RABGAP1: variants seen among roughly 807,000 people sequenced by gnomAD.
The protein encoded by RABGAP1 is RAB GTPase activating protein 1.
Under a neutral mutation model 137.6 loss-of-function variants are expected in RABGAP1, and 23 were observed. That is an observed-to-expected ratio of 0.17 (90% confidence interval 0.12 to 0.24). The LOEUF is 0.24. Ranked by LOEUF, RABGAP1 falls within the 10% of genes least tolerant of loss-of-function variation. The pLI, the probability that RABGAP1 is intolerant of heterozygous loss-of-function variation, is 1.00. For synonymous variants in RABGAP1, 451 were observed against 450.7 expected (o/e 1.00, Z -0.01); for missense variants, 906 against 1,275.8 (o/e 0.71, Z 4.42).
intron 13 of RABGAP1, chr9:123,034,862 C>G: frequency 6.2e-7 from 1 of 1,614,060 alleles, no homozygotes; most frequent in Non-Finnish European, 8.5e-7. Context: ...GTAGAGGAGT[C>G]CTTGACTTGC....
intron 13 of RABGAP1, among the ~76,000 whole-genome samples, chr9:123,039,248 C>G (rs2032828658): frequency 1.3e-5 from 2 of 152,150 alleles, no homozygotes; most frequent in Admixed American, 1.3e-4. Flanking sequence ...GCTCATCCTC[C>G]TAAAATGACA....
At chr9:123,028,331 T>G (rs2032102143) in intron 13 of RABGAP1, among the ~76,000 whole-genome samples, 1 of 152,218 alleles carries the variant, frequency 6.6e-6, no homozygotes, top group South Asian at 2.1e-4. Context: ...AATAAACTTG[T>G]TCACTGGTTT....
At chr9:123,065,744 T>C in intron 14 of RABGAP1, 1 of 388,132 alleles carries the variant, frequency 2.6e-6, no homozygotes, top group South Asian at 2.2e-5. Context: ...GTTTTTATGT[T>C]AAGAACCTCT....
In RABGAP1 at chr9:122,984,737, G is replaced by T; in HGVS notation, c.385+18G>T. 1 of 1,604,206 alleles carries T rather than the reference G, an allele frequency of 6.2e-7. No individual in the cohort carries two copies. Among genetic ancestry groups the T allele is most frequent in the Non-Finnish European group, 8.5e-7 (1 of 1,171,620 alleles). On this transcript the variant is annotated intron_variant, in intron 3 of 25. Transcript: ENST00000373647. ...ACAAGGAGGTTAGGATTGCTGCATT[G>T]CTTGCGTAACTGAAGGTTATTGTTT...
chr9:122,944,101 GTATC>G lies in RABGAP1; in HGVS notation c.-50+3010_-50+3013del, dbSNP rs1375891176. On this transcript the variant is annotated intron_variant, in intron 1 of 25. Transcript: ENST00000373647. ...TAGTTTAAATTGGTGCTACAGGTGA[GTATC>G]TTTGTAAAAACACTGGTTTGCTAAG... Among the ~76,000 whole-genome samples the G allele has an allele frequency of 2.0e-5, 3 of 152,200 alleles. No homozygotes were observed. In the East Asian group the frequency reaches 5.8e-4, roughly 29 times the overall value.
At chr9:123,012,283 T>C (rs2030874590) in intron 11 of RABGAP1, among the ~76,000 whole-genome samples, 1 of 152,244 alleles carries the variant, frequency 6.6e-6, no homozygotes, top group South Asian at 2.1e-4. Context: ...GATTGAGGTT[T>C]GCAGTTTCTC....
chr9:123,039,529 A>G (rs2032849151), intron 13 of RABGAP1, among the ~76,000 whole-genome samples: 1 of 152,182 alleles, frequency 6.6e-6, no homozygotes. Context: ...AGAGCCTCAT[A>G]AGCAACCTTC....
chr9:122,988,600 T>C (rs999852599), intron 4 of RABGAP1, among the ~76,000 whole-genome samples: 12 of 152,088 alleles, frequency 7.9e-5, no homozygotes, highest in Non-Finnish European at 1.3e-4. Context: ...GCATCAGTTT[T>C]TTGTTTTTTA....
At chr9:122,970,074 A>ATTTTTTTTTTTT (rs34261698) in intron 2 of RABGAP1, among the ~76,000 whole-genome samples, 5 of 143,482 alleles carry the variant, frequency 3.5e-5, no homozygotes, top group Non-Finnish European at 4.5e-5. Context: ...TATCCGGCTA[A>ATTTTTTTTTTTT]TTTTTTTTTT....
intron 2 of RABGAP1, among the ~76,000 whole-genome samples, chr9:122,972,456 T>A (rs1266287429): frequency 6.6e-6 from 1 of 152,140 alleles, no homozygotes. Context: ...TTCCATGTAG[T>A]CGCTCGTCTT....
At chr9:122,934,664 G>C in the RABGAP1 span, among the ~76,000 whole-genome samples, 240 of 98,952 alleles carry the variant, frequency 2.4e-3, 1 homozygote, top group Admixed American at 7.3e-3. Context: ...CACCACACTT[G>C]ACGCCTTTAT....
At chr9:122,982,184 GT>G (rs768115967) in intron 2 of RABGAP1, among the ~76,000 whole-genome samples, 27 of 152,158 alleles carry the variant, frequency 1.8e-4, no homozygotes, top group Non-Finnish European at 2.9e-4. Flanking sequence ...CATTTGTTAG[GT>G]TACTATTTTT....
rs138257673 is a variant in RABGAP1 at position 123,039,467 on chromosome 9, C to T, written c.1794+19008C>T. ...TAATTATTGCATGTAGTCACACCAG[C>T]CTTCTCCCTTCTGTAAGGTATTATA... On this transcript the variant is annotated intron_variant, in intron 13 of 25. Transcript: ENST00000373647. 9.9e-5 allele frequency among the ~76,000 whole-genome samples: 15 copies of T among 152,234 alleles called. No individual in the cohort carries two copies. In the East Asian group the frequency reaches 2.7e-3, roughly 27 times the overall value.
At chr9:123,026,540 C>G (rs2031980693) in intron 13 of RABGAP1, among the ~76,000 whole-genome samples, 1 of 152,102 alleles carries the variant, frequency 6.6e-6, no homozygotes, top group African/African-American at 2.4e-5. Flanking sequence ...AGACCAAGCA[C>G]CCCTGGTAGT....
chr9:122,946,979 G>A (rs1208418845), intron 1 of RABGAP1, among the ~76,000 whole-genome samples: 1 of 152,106 alleles, frequency 6.6e-6, no homozygotes. Flanking sequence ...GAGAAGGAGT[G>A]ATTAAGTAGC....
At chr9:122,994,461 T>C (rs976845465) in intron 6 of RABGAP1, among the ~76,000 whole-genome samples, 1 of 152,256 alleles carries the variant, frequency 6.6e-6, no homozygotes, top group South Asian at 2.1e-4. Context: ...CAGTTTGATA[T>C]GCAAAAATTT....
chr9:123,063,374 G>A (rs536634092), intron 13 of RABGAP1: 2 of 152,764 alleles, frequency 1.3e-5, no homozygotes, highest in South Asian at 4.2e-4. Flanking sequence ...AAACATTTGA[G>A]TTTAAGTCTT....
Position 123,065,227 on chromosome 9 carries a change from A to C in RABGAP1, c.1795-121A>C, listed in dbSNP as rs150000853. 324 of 691,518 alleles carry C rather than the reference A, an allele frequency of 4.7e-4. 1 individual carries two copies. The highest frequency in any genetic ancestry group is 4.1e-3 in the African/African-American group (232 of 56,114). The allele number at this position is 691,518 out of a possible 1,614,324, so 42.8% of individuals were successfully genotyped here. A position where few individuals can be genotyped will look rare whatever the true frequency, so the allele number is the denominator to read the frequency against. On this transcript the variant is annotated intron_variant, in intron 13 of 25. Coordinates refer to ENST00000373647, the MANE Select transcript of RABGAP1 (RefSeq NM_012197.4). ...GAAGAGGCAGTAACTATGGGCATAC[A>C]TATGTGTATGTATGTCCCTGCAACA... is the stretch of plus-strand genomic sequence containing the variant.
chr9:123,016,802 G>A (rs2031265192), intron 12 of RABGAP1, among the ~76,000 whole-genome samples: 1 of 152,274 alleles, frequency 6.6e-6, no homozygotes, highest in Admixed American at 6.5e-5. Flanking sequence ...TCACTGCATT[G>A]TTAGAATAAA....
Sources: allele counts gnomAD v4.1 joint callset (sites outside exome capture counted in the v4.1 genomes callset), GRCh38; gene constraint gnomAD v4.1.1; transcripts MANE v1.5; gene names NCBI Gene and HGNC (gene_info 2026-07-23, HGNC 2026-07-21).